ASB3: variants seen among roughly 807,000 people sequenced by gnomAD.
The protein encoded by ASB3 is ankyrin repeat and SOCS box protein 3.
A neutral mutation model predicts 54.5 loss-of-function variants in ASB3; 41 were observed. The observed-to-expected ratio is 0.75, with a 90% CI of 0.59 to 0.98. The LOEUF is 0.98. ASB3 is among the 50% of genes least tolerant of loss of function. ASB3 has a pLI of 0.00. For missense variants in ASB3, 733 were observed against 620.0 expected (o/e 1.18, Z -1.94); for synonymous variants, 266 against 221.2 (o/e 1.20, Z -1.80).
chr2:53,756,847 A>T (rs1672857929), intron 2 of ASB3: 1 of 152,936 alleles, frequency 6.5e-6, no homozygotes, highest in Non-Finnish European at 1.5e-5. Flanking sequence ...CTTCTGATCC[A>T]GCGAGGCGGC....
chr2:53,670,062 C>T lies in ASB3; in HGVS notation c.*441G>A, dbSNP rs1050428229. Reference sequence around the variant, plus strand: ...ATGATAATAATAACAGATTCTACACCACAGTTGTATACACTTCCAGTGAAG... The same window carrying T: ...ATGATAATAATAACAGATTCTACACTACAGTTGTATACACTTCCAGTGAAG... On this transcript the variant is annotated 3_prime_UTR_variant, in exon 10 of 10. Coordinates refer to ENST00000263634, the MANE Select transcript of ASB3 (RefSeq NM_016115.5). 12 of 152,280 alleles carry T rather than the reference C, an allele frequency of 7.9e-5. No individual in the cohort carries two copies. Among genetic ancestry groups the T allele is most frequent in the Non-Finnish European group, 1.8e-4 (12 of 68,472 alleles). The allele number at this position is 152,280 out of a possible 1,614,324, so 9.4% of individuals were successfully genotyped here.
At chr2:53,752,622 T>G (rs1341871614) in intron 2 of ASB3, among the ~76,000 whole-genome samples, 1 of 152,268 alleles carries the variant, frequency 6.6e-6, no homozygotes, top group Non-Finnish European at 1.5e-5. Context: ...GCAAGCCCCC[T>G]GTGCACAATG....
intron 5 of ASB3, among the ~76,000 whole-genome samples, chr2:53,723,793 A>G (rs548678202): frequency 6.6e-6 from 1 of 152,348 alleles, no homozygotes; most frequent in Admixed American, 6.5e-5. Flanking sequence ...ACCTACAGCC[A>G]TCTGATCTTT....
intron 9 of ASB3, among the ~76,000 whole-genome samples, chr2:53,681,472 C>T (rs1335502401): frequency 6.6e-6 from 1 of 152,108 alleles, no homozygotes; most frequent in Non-Finnish European, 1.5e-5. Context: ...AGAGTTTCCC[C>T]AATGTTTTCT....
At chr2:53,705,397 A>T (rs942309887) in intron 7 of ASB3, among the ~76,000 whole-genome samples, 4 of 152,224 alleles carry the variant, frequency 2.6e-5, no homozygotes, top group Admixed American at 2.0e-4. Context: ...AAACACACAA[A>T]AAAAACAAAA....
At chr2:53,730,366 T>C (rs530489374) in intron 3 of ASB3, among the ~76,000 whole-genome samples, 37 of 152,282 alleles carry the variant, frequency 2.4e-4, no homozygotes, top group African/African-American at 7.9e-4. Flanking sequence ...GTTCAGAAAC[T>C]TAAAATGGAG....
intron 7 of ASB3, among the ~76,000 whole-genome samples, chr2:53,708,489 G>A (rs930335128): frequency 1.3e-5 from 2 of 152,170 alleles, no homozygotes; most frequent in African/African-American, 4.8e-5. Context: ...ACTGAAGAGT[G>A]GGGCATTGCT....
At chr2:53,693,092 G>A (rs1669001433) in intron 9 of ASB3, among the ~76,000 whole-genome samples, 1 of 152,118 alleles carries the variant, frequency 6.6e-6, no homozygotes, top group Admixed American at 6.6e-5. Flanking sequence ...TATTCAAAAT[G>A]TTTTATGAAG....
intron 7 of ASB3, among the ~76,000 whole-genome samples, chr2:53,714,045 G>A (rs1296839443): frequency 6.6e-6 from 1 of 152,136 alleles, no homozygotes; most frequent in Non-Finnish European, 1.5e-5. Context: ...AGCAGTCACT[G>A]CCTTACTTGA....
At chr2:53,773,455 C>T (rs1464516124) in intron 1 of ASB3, among the ~76,000 whole-genome samples, 3 of 151,892 alleles carry the variant, frequency 2.0e-5, no homozygotes, top group African/African-American at 7.3e-5. Flanking sequence ...TTTTTTGAGA[C>T]AGTCTCACTC....
At position 53,775,777 on chromosome 2, in the gene ASB3, A is replaced by G. The variant is rs953052842; in HGVS notation, c.-13-10192T>C. On this transcript the variant is annotated intron_variant, in intron 1 of 9. Coordinates refer to ENST00000263634, the MANE Select transcript of ASB3 (RefSeq NM_016115.5). The stretch of plus-strand genomic sequence containing the variant: ...AGGTGTGAGCCACCATGCCCGGCCT[A>G]TAATTTTTTATTTGTACAAATTTAT... 6.6e-5 allele frequency among the ~76,000 whole-genome samples: 10 copies of G among 152,154 alleles called. 1 individual carries two copies. The South Asian group carries it at 8.3e-4, about 13-fold the overall frequency.
At chr2:53,694,146 G>A in intron 8 of ASB3, 132 bp from the exon 9 acceptor site, 1 of 1,010,736 alleles carries the variant, frequency 9.9e-7, no homozygotes, top group South Asian at 1.8e-5. Context: ...GGCATGTTAA[G>A]TATTTATGTA....
At position 53,700,316 on chromosome 2, in the gene ASB3, A is replaced by T; in HGVS notation, c.1193T>A (p.Leu398His). The change falls in exon 8 of 10, where the codon CTT (leucine) becomes CAT (histidine). Residue 398 changes from leucine to histidine, a missense_variant. By Grantham distance (99) the Leu-to-His change is moderately conservative. Transcript: ENST00000263634. ...CAGTGGGTCAAATCCAGCAACCAGA[A>T]GATGTGGCAACCACTCCTTATATTT... ...QAKYKEWLPH[L>H]LVAGFDPLIL... The T allele has an allele frequency of 6.2e-7, 1 of 1,614,074 alleles. No homozygotes were observed. Among genetic ancestry groups the T allele is most frequent in the Middle Eastern group, 1.7e-4 (1 of 6,056 alleles).
At position 53,723,569 on chromosome 2, in the gene ASB3, A is replaced by G. The variant is rs115546295; in HGVS notation, c.604+5143T>C. Among the ~76,000 whole-genome samples, 1,406 of 152,268 alleles carry G rather than the reference A, an allele frequency of 9.2e-3. 24 individuals carry two copies. The highest frequency in any genetic ancestry group is 0.032 in the African/African-American group (1,333 of 41,554). On this transcript the variant is annotated intron_variant, in intron 5 of 9. Coordinates refer to ENST00000263634, the MANE Select transcript of ASB3 (RefSeq NM_016115.5). ...AACTACCGACACCATTTTTTACAGA[A>G]TTAGAAAAAAAATTTCTTAAATTCA...
At chr2:53,717,847 C>T (rs764459902) in intron 5 of ASB3, among the ~76,000 whole-genome samples, 3 of 152,050 alleles carry the variant, frequency 2.0e-5, no homozygotes, top group Non-Finnish European at 4.4e-5. Context: ...AAAAAGGAAT[C>T]AATCAGAGCT....
chr2:53,766,860 T>G (rs1673496532), intron 1 of ASB3, among the ~76,000 whole-genome samples: 1 of 152,184 alleles, frequency 6.6e-6, no homozygotes, highest in African/African-American at 2.4e-5. Flanking sequence ...TAATACCCCT[T>G]GAATCTGAGT....
At chr2:53,675,665 A>G (rs1358153093) in intron 9 of ASB3, among the ~76,000 whole-genome samples, 1 of 152,198 alleles carries the variant, frequency 6.6e-6, no homozygotes, top group African/African-American at 2.4e-5. Flanking sequence ...TTTTTTCCTG[A>G]TATCAATCAG....
intron 9 of ASB3, among the ~76,000 whole-genome samples, chr2:53,671,104 A>C (rs1445603684): frequency 6.6e-6 from 1 of 152,218 alleles, no homozygotes; most frequent in Non-Finnish European, 1.5e-5. Flanking sequence ...ACAGCTTGCA[A>C]GTTTTCCTTT....
chr2:53,774,304 A>C lies in ASB3; in HGVS notation c.-13-8719T>G, dbSNP rs748818573. On this transcript the variant is annotated intron_variant, in intron 1 of 9. Coordinates refer to ENST00000263634, the MANE Select transcript of ASB3 (RefSeq NM_016115.5). Reference sequence around the variant, plus strand: ...ATTCAGTGTATTGCTATATATTGGAACATGTGATAATCCTGATTATCTTGG... The same window carrying C: ...ATTCAGTGTATTGCTATATATTGGACCATGTGATAATCCTGATTATCTTGG... 5.6e-5 allele frequency: 91 copies of C among 1,613,902 alleles called. No individual in the cohort carries two copies. The highest frequency in any genetic ancestry group is 6.7e-5 in the Non-Finnish European group (79 of 1,179,992).
Sources: allele counts gnomAD v4.1 joint callset (sites outside exome capture counted in the v4.1 genomes callset), GRCh38; gene constraint gnomAD v4.1.1; transcripts MANE v1.5; gene names NCBI Gene and HGNC (gene_info 2026-07-23, HGNC 2026-07-21).